The following ENO4 variants were observed in gnomAD, a reference collection of about 807,000 sequenced individuals.
ENO4 encodes the protein enolase 4, also known as 2-phospho-D-glycerate hydro-lyase.
ENO4 carries 53 observed loss-of-function variants against 63.2 expected under a neutral mutation model. The ratio of observed to expected loss-of-function variants is 0.84; its 90% CI spans 0.67 to 1.05. ENO4 has a LOEUF of 1.05. Among genes scored for constraint, ENO4 ranks in the 50% least tolerant of loss-of-function variants. The pLI, the probability that ENO4 is intolerant of heterozygous loss-of-function variation, is 0.00. For synonymous variants in ENO4, 266 were observed against 283.8 expected (o/e 0.94, Z 0.63); for missense variants, 719 against 772.0 (o/e 0.93, Z 0.81).
chr10:116,853,270 G>A (rs1846141945), intron 1 of ENO4, among the ~76,000 whole-genome samples: 1 of 149,182 alleles, frequency 6.7e-6, no homozygotes, highest in South Asian at 2.1e-4. Context: ...ACTCCAGCCT[G>A]GGTGACAGAG....
At chr10:116,894,863 A>C (rs1188809478) in intron 10 of ENO4, among the ~76,000 whole-genome samples, 1 of 152,222 alleles carries the variant, frequency 6.6e-6, no homozygotes, top group Non-Finnish European at 1.5e-5. Flanking sequence ...GCAAGAGGGC[A>C]AGAAAACATG....
intron 10 of ENO4, among the ~76,000 whole-genome samples, chr10:116,874,780 C>G (rs960875346): frequency 6.6e-6 from 1 of 152,126 alleles, no homozygotes; most frequent in Admixed American, 6.5e-5. Flanking sequence ...TCAAGTGATT[C>G]TCCTGCCTCA....
At position 116,862,056 on chromosome 10, in the gene ENO4, T is replaced by C. The variant is rs552908676; in HGVS notation, c.937-743T>C. On this transcript the variant is annotated intron_variant, in intron 6 of 13. Transcript: ENST00000341276. ...CCATTCTTTATCAGGTCTTTGTATG[T>C]AGATCTCATCATCACAACATACTTT... Among the ~76,000 whole-genome samples the C allele has an allele frequency of 1.6e-4, 25 of 152,310 alleles. No homozygotes were observed. The South Asian group carries it at 5.2e-3, about 32-fold the overall frequency.
intron 6 of ENO4, among the ~76,000 whole-genome samples, chr10:116,862,420 C>T (rs1846440392): frequency 6.6e-6 from 1 of 151,792 alleles, no homozygotes; most frequent in South Asian, 2.1e-4. Flanking sequence ...AGATCATTGC[C>T]ACTGCACGCC....
At chr10:116,855,942 A>G (rs972481369) in intron 2 of ENO4, among the ~76,000 whole-genome samples, 191 bp downstream of exon 2, 1 of 152,204 alleles carries the variant, frequency 6.6e-6, no homozygotes, top group Non-Finnish European at 1.5e-5. Flanking sequence ...TAATTTTGAT[A>G]CAGACATGAC....
chr10:116,896,187 A>T (rs1230629645), intron 10 of ENO4, among the ~76,000 whole-genome samples: 1 of 152,184 alleles, frequency 6.6e-6, no homozygotes, highest in Non-Finnish European at 1.5e-5. Context: ...TTCCTTTATT[A>T]TACCTATATC....
chr10:116,858,513 T>A (rs1003145265), intron 3 of ENO4, among the ~76,000 whole-genome samples: 1 of 152,202 alleles, frequency 6.6e-6, no homozygotes, highest in Non-Finnish European at 1.5e-5. Context: ...GGTGCTGAAA[T>A]TTTACATAAA....
intron 8 of ENO4, among the ~76,000 whole-genome samples, chr10:116,869,187 C>G (rs1846625171): frequency 6.6e-6 from 1 of 152,166 alleles, no homozygotes; most frequent in South Asian, 2.1e-4. Context: ...GAGAGTGAGG[C>G]GAACAGCCCT....
intron 3 of ENO4, 44 bp downstream of exon 3, chr10:116,856,726 G>A: frequency 2.1e-6 from 3 of 1,446,176 alleles, no homozygotes; most frequent in African/African-American, 1.4e-5. Flanking sequence ...TACAAGCCGG[G>A]CACAGTGGCT....
chr10:116,877,408 C>T (rs989853177), intron 11 of ENO4, among the ~76,000 whole-genome samples: 14 of 152,074 alleles, frequency 9.2e-5, no homozygotes, highest in African/African-American at 3.4e-4. Context: ...TTTTAATTTG[C>T]ATTACTTGGG....
intron 10 of ENO4, among the ~76,000 whole-genome samples, chr10:116,907,534 TAC>T (rs1328449704): frequency 6.6e-6 from 1 of 152,190 alleles, no homozygotes; most frequent in East Asian, 1.9e-4. Flanking sequence ...GGAAGTATGT[TAC>T]AGAGTGAGAG....
At chr10:116,854,978 A>G (rs1846217899) in intron 1 of ENO4, among the ~76,000 whole-genome samples, 1 of 150,860 alleles carries the variant, frequency 6.6e-6, no homozygotes, top group African/African-American at 2.4e-5. Flanking sequence ...AGAAAGAAAG[A>G]AAAAGAAAAG....
chr10:116,868,748 T>C (rs1293569018), intron 8 of ENO4, 42 bp downstream of exon 8: 1 of 1,506,912 alleles, frequency 6.6e-7, no homozygotes, highest in Non-Finnish European at 9.0e-7. Flanking sequence ...TATGACACTG[T>C]CTATAAATTT....
At chr10:116,905,669 G>C (rs1455443346) in intron 10 of ENO4, among the ~76,000 whole-genome samples, 2 of 152,156 alleles carry the variant, frequency 1.3e-5, no homozygotes, top group South Asian at 4.2e-4. Context: ...TTTGGTCAAT[G>C]TGACTCAGCA....
chr10:116,871,935 G>A (rs1332423363), intron 9 of ENO4, among the ~76,000 whole-genome samples: 3 of 152,298 alleles, frequency 2.0e-5, no homozygotes, highest in Admixed American at 6.5e-5. Flanking sequence ...AGTGGCTCAC[G>A]CCTGTAATCC....
intron 10 of ENO4, among the ~76,000 whole-genome samples, chr10:116,892,998 G>A (rs1003725435): frequency 4.6e-5 from 7 of 152,206 alleles, no homozygotes; most frequent in Non-Finnish European, 1.0e-4. Flanking sequence ...GGAAGCAAAT[G>A]TTAGAAGGCA....
intron 1 of ENO4, chr10:116,850,053 A>G: frequency 2.0e-6 from 1 of 502,980 alleles, no homozygotes; most frequent in Middle Eastern, 2.9e-4. Context: ...GGGCCGGCCC[A>G]CCGCCCATGC....
chr10:116,889,581 G>A (rs930072054), intron 10 of ENO4, among the ~76,000 whole-genome samples: 3 of 152,192 alleles, frequency 2.0e-5, no homozygotes, highest in African/African-American at 7.2e-5. Context: ...GAGGATGATG[G>A]GGCATGAAGA....
At chr10:116,901,415 T>A (rs1040298692) in intron 10 of ENO4, 1 of 985,314 alleles carries the variant, frequency 1.0e-6, no homozygotes, top group African/African-American at 1.7e-5. Context: ...CTTCTTGGGC[T>A]GCTCATGAAC....
Sources: gnomAD v4.1 joint callset for allele counts (sites outside exome capture counted in the v4.1 genomes callset) on GRCh38, gnomAD v4.1.1 for gene constraint, MANE v1.5 for transcripts, NCBI Gene and HGNC (gene_info 2026-07-23, HGNC 2026-07-21) for gene names.